Variants in PLS3 observed in about 807,000 individuals in gnomAD.
PLS3 encodes plastin-3.
In PLS3, 11 loss-of-function variants were observed where a neutral mutation model predicts 46.5. The observed-to-expected ratio is 0.24, with a 90% CI of 0.15 to 0.39. PLS3 has a LOEUF of 0.39. Among genes scored for constraint, PLS3 ranks in the 10% least tolerant of loss-of-function variants. The probability of loss-of-function intolerance (pLI) is 1.00; values close to 1 mark genes in which losing one functional copy is unlikely to be tolerated. For missense variants in PLS3, 308 were observed against 461.8 expected, an observed-to-expected ratio of 0.67 and a Z score of 3.05; for synonymous variants, 167 against 162.2, an observed-to-expected ratio of 1.03 and a Z score of -0.22.
At chrX:115,580,226 C>A (rs782799781) in intron 1 of PLS3, among the ~76,000 whole-genome samples, 1 of 112,046 alleles carries the variant, frequency 8.9e-6, no homozygotes, top group East Asian at 2.8e-4. Flanking sequence ...ATCAGTATTT[C>A]CTTTTATGGA....
At chrX:115,571,695 T>A (rs2074217665) in intron 1 of PLS3, among the ~76,000 whole-genome samples, 1 of 111,212 alleles carries the variant, frequency 9.0e-6, no homozygotes, top group Non-Finnish European at 1.9e-5. Flanking sequence ...AGGTAATAGG[T>A]AGTGTTGATA....
At chrX:115,607,349 A>G (rs2074503553) in intron 1 of PLS3, among the ~76,000 whole-genome samples, 1 of 111,373 alleles carries the variant, frequency 9.0e-6, no homozygotes, top group Non-Finnish European at 1.9e-5. Context: ...TCCCTCATAG[A>G]TCCTGAGATT....
At chrX:115,633,383 C>T (rs1237862863) in intron 5 of PLS3, among the ~76,000 whole-genome samples, 1 of 111,380 alleles carries the variant, frequency 9.0e-6, no homozygotes, top group Non-Finnish European at 1.9e-5. Context: ...GTTGGCCAGG[C>T]TGTTTTCCAA....
intron 11 of PLS3, among the ~76,000 whole-genome samples, chrX:115,645,696 T>C (rs1439041293): frequency 9.0e-6 from 1 of 111,392 alleles, no homozygotes; most frequent in Non-Finnish European, 1.9e-5. Flanking sequence ...CTAGTTCCTT[T>C]TTTTCTTAAT....
chrX:115,631,838 C>G (rs980092421), intron 5 of PLS3, among the ~76,000 whole-genome samples: 1 of 111,632 alleles, frequency 9.0e-6, no homozygotes, highest in Admixed American at 9.6e-5. Flanking sequence ...GAGCCTTGCT[C>G]TGTCGCCCAG....
intron 8 of PLS3, chrX:115,639,984 C>A (rs2074878336): frequency 4.3e-6 from 2 of 467,461 alleles, no homozygotes; most frequent in Admixed American, 3.7e-5. Flanking sequence ...TAGCTAATCT[C>A]TTCTTCGTAG....
At chrX:115,563,055 T>C (rs1466281362) in intron 1 of PLS3, among the ~76,000 whole-genome samples, 6 of 111,489 alleles carry the variant, frequency 5.4e-5, no homozygotes, top group Non-Finnish European at 5.6e-5. Flanking sequence ...AAAAAACATC[T>C]TACTAATTAT....
intron 1 of PLS3, among the ~76,000 whole-genome samples, chrX:115,567,849 A>G (rs1279488907): frequency 8.3e-5 from 9 of 108,844 alleles, no homozygotes; most frequent in African/African-American, 3.0e-4. Flanking sequence ...TTATGTGTGC[A>G]TATGTATATT....
chrX:115,575,709 C>G (rs987818978), intron 1 of PLS3, among the ~76,000 whole-genome samples: 81 of 111,828 alleles, frequency 7.2e-4, no homozygotes, highest in Non-Finnish European at 1.2e-3. Context: ...TCCCAAAGTA[C>G]TGGGATTACA....
At chrX:115,598,508 A>C (rs782597118) in intron 1 of PLS3, among the ~76,000 whole-genome samples, 4 of 111,519 alleles carry the variant, frequency 3.6e-5, no homozygotes, top group Non-Finnish European at 7.5e-5. Context: ...AAAATTATGC[A>C]TATAGCCTCT....
At chrX:115,636,205 C>CT (rs1403487429) in intron 7 of PLS3, among the ~76,000 whole-genome samples, 11,353 of 84,095 alleles carry the variant, frequency 0.14, 1,230 homozygotes, top group East Asian at 0.34. Flanking sequence ...AAATCCCTGA[C>CT]TTTTTTTTTT....
chrX:115,623,968 G>A (rs1455214270), intron 3 of PLS3, among the ~76,000 whole-genome samples: 6 of 112,008 alleles, frequency 5.4e-5, no homozygotes, highest in South Asian at 7.4e-4. Context: ...GGTGGCTCAC[G>A]CCTGTAATCC....
intron 1 of PLS3, among the ~76,000 whole-genome samples, chrX:115,567,630 A>C (rs995684972): frequency 1.2e-3 from 128 of 110,183 alleles, no homozygotes; most frequent in African/African-American, 3.8e-3. Flanking sequence ...AACAAAAAAA[A>C]ACAGAAAATG....
intron 2 of PLS3, among the ~76,000 whole-genome samples, chrX:115,620,837 G>T (rs1460865220): frequency 9.7e-6 from 1 of 102,586 alleles, no homozygotes; most frequent in African/African-American, 3.6e-5. Flanking sequence ...GGGACTATAG[G>T]CGCCCACCAC....
intron 1 of PLS3, among the ~76,000 whole-genome samples, chrX:115,601,807 A>G (rs1352254541): frequency 9.0e-6 from 1 of 111,362 alleles, no homozygotes; most frequent in Non-Finnish European, 1.9e-5. Flanking sequence ...GAGACAGAGG[A>G]AAGTGGGAAA....
At chrX:115,575,705 A>G (rs925038618) in intron 1 of PLS3, among the ~76,000 whole-genome samples, 2 of 111,725 alleles carry the variant, frequency 1.8e-5, no homozygotes, top group Non-Finnish European at 3.8e-5. Flanking sequence ...GGCCTCCCAA[A>G]GTACTGGGAT....
At chrX:115,567,514 C>T (rs2074183511) in intron 1 of PLS3, among the ~76,000 whole-genome samples, 1 of 109,967 alleles carries the variant, frequency 9.1e-6, no homozygotes, top group African/African-American at 3.3e-5. Context: ...TTGCTTGAGC[C>T]TGGGAGGCGG....
In PLS3 at chrX:115,570,544, C is replaced by T. The variant is rs2074207547; in HGVS notation, c.-9+9284C>T. 7.4e-5 allele frequency among the ~76,000 whole-genome samples: 7 copies of T among 95,023 alleles called. No homozygotes were observed. The South Asian group carries it at 3.8e-3, about 52-fold the overall frequency. 82.5% of individuals were successfully genotyped at this position (95,023 alleles called of 115,157 possible). ...TTTTGGACAGAGTCTTGCTTTGTCGCCCAGGCTGGAGTGCAACTGTGCGAT... is the reference window on the plus strand; with the variant it reads ...TTTTGGACAGAGTCTTGCTTTGTCGTCCAGGCTGGAGTGCAACTGTGCGAT... On this transcript the variant is annotated intron_variant, in intron 1 of 15. Transcript: ENST00000355899.
At chrX:115,644,151 CCA>C (rs781847962) in intron 10 of PLS3, among the ~76,000 whole-genome samples, 5 of 111,057 alleles carry the variant, frequency 4.5e-5, no homozygotes, top group African/African-American at 6.5e-5. Context: ...TTTCATTCAT[CCA>C]CAGTCAATGT....
Sources: allele counts gnomAD v4.1 joint callset (sites outside exome capture counted in the v4.1 genomes callset), GRCh38; gene constraint gnomAD v4.1.1; transcripts MANE v1.5; gene names NCBI Gene and HGNC (gene_info 2026-07-23, HGNC 2026-07-21).